ADCY5: variants seen among roughly 807,000 people sequenced by gnomAD.
The protein encoded by ADCY5 is adenylate cyclase type 5.
ADCY5 carries 30 observed loss-of-function variants against 119.7 expected under a neutral mutation model. That is an observed-to-expected ratio of 0.25 (90% CI 0.19 to 0.34). ADCY5 has a LOEUF of 0.34. ADCY5 is among the 10% of genes least tolerant of loss of function. The probability of loss-of-function intolerance (pLI) is 1.00; values close to 1 mark genes in which losing one functional copy is unlikely to be tolerated. For synonymous variants in ADCY5, 753 were observed against 762.2 expected (o/e 0.99, Z 0.20); for missense variants, 1,324 against 1,775.2 (o/e 0.75, Z 4.57).
chr3:123,448,788 GC>G lies in ADCY5; in HGVS notation c.-244del. The G allele has an allele frequency of 2.6e-6, 1 of 387,070 alleles. No individual in the cohort carries two copies. The allele number at this position is 387,070 out of a possible 1,614,324, so 24.0% of individuals were successfully genotyped here. On this transcript the variant is annotated 5_prime_UTR_variant, in exon 1 of 21. Coordinates refer to ENST00000462833, the MANE Select transcript of ADCY5 (RefSeq NM_183357.3). ...GAAGTCCCAGGTCCGAAATGGAGTTGCCTCCGAGGTGGGGTCGCAGGGACTG... is the reference window on the plus strand; with the variant it reads ...GAAGTCCCAGGTCCGAAATGGAGTTGCTCCGAGGTGGGGTCGCAGGGACTG...
At chr3:123,284,849 G>T in intron 20 of ADCY5, 113 bp from the exon 21 acceptor site, 1 of 1,423,596 alleles carries the variant, frequency 7.0e-7, no homozygotes, top group Non-Finnish European at 9.7e-7. Flanking sequence ...TGACACAGAA[G>T]GAGAGGGGCA....
chr3:123,354,740 T>C (rs1942979127), intron 1 of ADCY5, among the ~76,000 whole-genome samples: 1 of 152,162 alleles, frequency 6.6e-6, no homozygotes, highest in Non-Finnish European at 1.5e-5. Flanking sequence ...TAGTGCATCA[T>C]GAAAATACTA....
chr3:123,310,391 C>T (rs576873491), intron 12 of ADCY5, among the ~76,000 whole-genome samples: 1 of 152,232 alleles, frequency 6.6e-6, no homozygotes, highest in South Asian at 2.1e-4. Flanking sequence ...ACATGTGGAG[C>T]TGGCCAAAGA....
At chr3:123,332,162 C>A (rs1941795135) in intron 4 of ADCY5, among the ~76,000 whole-genome samples, 1 of 152,230 alleles carries the variant, frequency 6.6e-6, no homozygotes, top group African/African-American at 2.4e-5. Context: ...GATTCAGACT[C>A]ATTCTCTTAT....
chr3:123,315,607 G>A (rs921306824), intron 11 of ADCY5, among the ~76,000 whole-genome samples: 5 of 152,016 alleles, frequency 3.3e-5, no homozygotes, highest in Admixed American at 6.6e-5. Context: ...ACAGAGTCTC[G>A]CTTTGTTGCC....
chr3:123,404,921 A>G (rs188627310), intron 1 of ADCY5, among the ~76,000 whole-genome samples: 1 of 152,222 alleles, frequency 6.6e-6, no homozygotes, highest in African/African-American at 2.4e-5. Context: ...CTGGCTCTGA[A>G]AAAGAGACCT....
rs544152676 is a variant in ADCY5, at chr3:123,365,589, G to A, written c.1135-13008C>T. ...AGCTTCGGTTCCTAATCCACTTAGGGGAAGTCCGGGAGGAGCTGGCTTTGG... is the reference window on the plus strand; with the variant it reads ...AGCTTCGGTTCCTAATCCACTTAGGAGAAGTCCGGGAGGAGCTGGCTTTGG... On this transcript the variant is annotated intron_variant, in intron 1 of 20. Coordinates refer to ENST00000462833, the MANE Select transcript of ADCY5 (RefSeq NM_183357.3). 7.9e-5 allele frequency among the ~76,000 whole-genome samples: 12 copies of A among 152,310 alleles called. No individual in the cohort carries two copies. In the East Asian group the frequency reaches 1.4e-3, roughly 17 times the overall value.
intron 1 of ADCY5, among the ~76,000 whole-genome samples, chr3:123,403,926 G>C (rs1944837566): frequency 6.6e-6 from 1 of 152,162 alleles, no homozygotes; most frequent in African/African-American, 2.4e-5. Context: ...GGAATTCTCT[G>C]TCTCTCTCCT....
chr3:123,359,758 G>A (rs1273617723), intron 1 of ADCY5, among the ~76,000 whole-genome samples: 5 of 152,266 alleles, frequency 3.3e-5, no homozygotes, highest in Middle Eastern at 3.4e-3. Flanking sequence ...CCTGGCCCCA[G>A]CCCTAAAGAC....
At chr3:123,333,633 T>A (rs1481007643) in intron 3 of ADCY5, among the ~76,000 whole-genome samples, 1 of 152,240 alleles carries the variant, frequency 6.6e-6, no homozygotes, top group Non-Finnish European at 1.5e-5. Flanking sequence ...CCTGGGTGTG[T>A]GCCTCAGGAG....
chr3:123,404,900 C>T (rs1213977002), intron 1 of ADCY5, among the ~76,000 whole-genome samples: 1 of 152,196 alleles, frequency 6.6e-6, no homozygotes, highest in Non-Finnish European at 1.5e-5. Flanking sequence ...CTATTCAGAC[C>T]CCATCTTCAA....
chr3:123,333,650 G>A (rs1941888668), intron 3 of ADCY5, among the ~76,000 whole-genome samples: 1 of 152,248 alleles, frequency 6.6e-6, no homozygotes, highest in African/African-American at 2.4e-5. Context: ...GGAGGGTGCG[G>A]GACAGGGGGC....
chr3:123,448,830 C>T lies in ADCY5; in HGVS notation c.-285G>A. On this transcript the variant is annotated 5_prime_UTR_variant, in exon 1 of 21. Transcript: ENST00000462833. ...GCAGGGACTGGTCTGGCTGCTGCTG[C>T]GCCGCACGCGGAGAGACGTCCGGGA... is the stretch of plus-strand genomic sequence containing the variant. 1 of 333,530 alleles carries T rather than the reference C, an allele frequency of 3.0e-6. No individual in the cohort carries two copies. Among genetic ancestry groups the T allele is most frequent in the Non-Finnish European group, 5.4e-6 (1 of 183,966 alleles). 20.7% of individuals were successfully genotyped at this position (333,530 alleles called of 1,614,324 possible).
chr3:123,349,587 T>A (rs1942737629), intron 2 of ADCY5, among the ~76,000 whole-genome samples: 1 of 152,188 alleles, frequency 6.6e-6, no homozygotes. Context: ...ACATCACATA[T>A]GGGTTCTTCC....
chr3:123,297,114 G>A lies in ADCY5; in HGVS notation c.2930+239C>T, dbSNP rs138270757. 5.6e-5 allele frequency: 82 copies of A among 1,465,876 alleles called. 1 individual carries two copies. The highest frequency in any genetic ancestry group is 1.2e-4 in the South Asian group (10 of 82,474). The allele number at this position is 1,465,876 out of a possible 1,614,324, so 90.8% of individuals were successfully genotyped here. On this transcript the variant is annotated intron_variant, in intron 16 of 20. Coordinates refer to ENST00000462833, the MANE Select transcript of ADCY5 (RefSeq NM_183357.3). ...GAGGCCTATGGGATGATCTGAAGCC[G>A]GTGATCCCAACCACAGAGACTACAG...
At chr3:123,372,176 A>G (rs1943666066) in intron 1 of ADCY5, among the ~76,000 whole-genome samples, 1 of 152,010 alleles carries the variant, frequency 6.6e-6, no homozygotes, top group Admixed American at 6.6e-5. Flanking sequence ...AATTTGCCCC[A>G]TGTTCTCTGC....
rs1215565895 is a variant in ADCY5, at chr3:123,447,397, C to G, written c.1134+15G>C. 6.5e-7 allele frequency: 1 copy of G among 1,529,876 alleles called. No individual in the cohort carries two copies. The highest frequency in any genetic ancestry group is 8.8e-7 in the Non-Finnish European group (1 of 1,136,440). The allele number at this position is 1,529,876 out of a possible 1,614,324, so 94.8% of individuals were successfully genotyped here. The stretch of plus-strand genomic sequence containing the variant: ...CGCCCCGCAATCCAGTCCCGGTGGC[C>G]AGGTCGGCCCCTACCTGCTTCAGCA... On this transcript the variant is annotated intron_variant, in intron 1 of 20. Transcript: ENST00000462833.
intron 1 of ADCY5, among the ~76,000 whole-genome samples, chr3:123,414,005 C>T (rs1310399366): frequency 1.3e-5 from 2 of 152,152 alleles, no homozygotes; most frequent in African/African-American, 4.8e-5. Flanking sequence ...AAGTTCCCTG[C>T]CAGCCCTGAT....
Position 123,448,414 on chromosome 3 carries a change from ATGGGGG to A in ADCY5, c.126_131del (p.Pro43_His44del), listed in dbSNP as rs749123192. On this transcript the variant is annotated inframe_deletion, in exon 1 of 21. Coordinates refer to ENST00000462833, the MANE Select transcript of ADCY5 (RefSeq NM_183357.3). ...AGCCGCGGGCAGAGCCCCCGGGGGC[ATGGGGG>A]TAGCCATTCGCGCGGGAATCGGCCT... The A allele has an allele frequency of 7.1e-7, 1 of 1,402,930 alleles. No individual in the cohort carries two copies. Among genetic ancestry groups the A allele is most frequent in the Admixed American group, 3.0e-5 (1 of 32,904 alleles). The allele number at this position is 1,402,930 out of a possible 1,614,324, so 86.9% of individuals were successfully genotyped here. A position where few individuals can be genotyped will look rare whatever the true frequency, so the allele number is the denominator to read the frequency against.
Sources: gnomAD v4.1 joint callset for allele counts (sites outside exome capture counted in the v4.1 genomes callset) on GRCh38, gnomAD v4.1.1 for gene constraint, MANE v1.5 for transcripts, NCBI Gene and HGNC (gene_info 2026-07-23, HGNC 2026-07-21) for gene names.